The following NTAQ1 variants were observed in gnomAD, a reference collection of about 807,000 sequenced individuals.
NTAQ1 encodes the protein protein N-terminal glutamine amidohydrolase.
NTAQ1 carries 21 observed loss-of-function variants against 28.2 expected under a neutral mutation model. The ratio of observed to expected loss-of-function variants is 0.74; its 90% CI spans 0.53 to 1.07. NTAQ1 has a LOEUF of 1.07. Ranked by LOEUF, NTAQ1 falls within the 50% of genes least tolerant of loss-of-function variation. The pLI, the probability that NTAQ1 is intolerant of heterozygous loss-of-function variation, is 0.00. For missense variants in NTAQ1, 264 were observed against 256.6 expected (o/e 1.03, Z -0.20); for synonymous variants, 105 against 90.0 (o/e 1.17, Z -0.94).
chr8:123,454,614 G>C (rs1586965641), intron 6 of NTAQ1, among the ~76,000 whole-genome samples: 1 of 152,132 alleles, frequency 6.6e-6, no homozygotes, highest in African/African-American at 2.4e-5. Flanking sequence ...AGGTGTAGCA[G>C]TCGGAGATGC....
chr8:123,416,756 C>T, upstream of NTAQ1: 1 of 1,267,458 alleles, frequency 7.9e-7, no homozygotes, highest in Non-Finnish European at 1.0e-6. Context: ...CACCCCACGC[C>T]GGGAACCCAC....
chr8:123,467,176 A>G (rs1815978979), exon 7 of NTAQ1: 1 of 151,136 alleles, frequency 6.6e-6, no homozygotes. Flanking sequence ...AGCTGGAACT[A>G]CAGGCATGCA....
chr8:123,466,267 G>A (rs911114116), intron 6 of NTAQ1, among the ~76,000 whole-genome samples: 4 of 152,168 alleles, frequency 2.6e-5, no homozygotes, highest in South Asian at 2.1e-4. Context: ...TTACAACTGT[G>A]CCACTCAGAA....
At chr8:123,450,855 G>A (rs1446866247), downstream of NTAQ1, among the ~76,000 whole-genome samples, 1 of 152,056 alleles carries the variant, frequency 6.6e-6, no homozygotes, top group Non-Finnish European at 1.5e-5. Flanking sequence ...TCTGCTTCAT[G>A]TCTCCTTCAT....
chr8:123,448,969 A>T (rs752550112), downstream of NTAQ1, among the ~76,000 whole-genome samples: 21 of 152,214 alleles, frequency 1.4e-4, no homozygotes, highest in Non-Finnish European at 1.9e-4. Context: ...CTAGATGATT[A>T]TACATTAGAG....
the NTAQ1 span, among the ~76,000 whole-genome samples, chr8:123,475,456 A>G: frequency 6.6e-6 from 1 of 152,144 alleles, no homozygotes; most frequent in African/African-American, 2.4e-5. Context: ...AGAGTTTGGA[A>G]ATATATGCAG....
chr8:123,472,527 C>G (rs546224781), downstream of NTAQ1, among the ~76,000 whole-genome samples: 1 of 152,242 alleles, frequency 6.6e-6, no homozygotes, highest in South Asian at 2.1e-4. Flanking sequence ...TCTGGTGGTT[C>G]CTGGCAATCC....
At chr8:123,440,339 A>T (rs906389048) in intron 5 of NTAQ1, among the ~76,000 whole-genome samples, 1 of 151,296 alleles carries the variant, frequency 6.6e-6, no homozygotes, top group Non-Finnish European at 1.5e-5. Flanking sequence ...TATTTTTAGT[A>T]GAGACGGGGT....
At chr8:123,447,351 T>TA (rs1554657230) in intron 6 of NTAQ1, among the ~76,000 whole-genome samples, 29 of 152,098 alleles carry the variant, frequency 1.9e-4, no homozygotes, top group South Asian at 4.2e-4. Flanking sequence ...TGTTCTTTTT[T>TA]AAAAAATACA....
chr8:123,438,965 G>A (rs936059605), intron 5 of NTAQ1, among the ~76,000 whole-genome samples: 3 of 152,178 alleles, frequency 2.0e-5, no homozygotes, highest in Non-Finnish European at 4.4e-5. Flanking sequence ...TGGCCACAGT[G>A]TGCCTTTAGC....
chr8:123,450,069 G>A (rs1174515703), downstream of NTAQ1, among the ~76,000 whole-genome samples: 1 of 147,512 alleles, frequency 6.8e-6, no homozygotes, highest in African/African-American at 2.5e-5. Context: ...TAAAGATACA[G>A]GCCTCTATGA....
At chr8:123,459,419 TCAG>T (rs1327670497) in intron 6 of NTAQ1, among the ~76,000 whole-genome samples, 1 of 152,092 alleles carries the variant, frequency 6.6e-6, no homozygotes, top group Non-Finnish European at 1.5e-5. Context: ...TTCGGCTTCA[TCAG>T]GTAGGCATGA....
In NTAQ1 at chr8:123,435,749, C is replaced by T. The variant is rs186213672; in HGVS notation, c.235-704C>T. ...GGGCGTGGTGGCGGGTGTCTGTAGT[C>T]CCAGCTACTCAGGAGGCTGAGGCAG... On this transcript the variant is annotated intron_variant, in intron 3 of 5. Transcript: ENST00000287387. Among the ~76,000 whole-genome samples, 88 of 152,092 alleles carry T rather than the reference C, an allele frequency of 5.8e-4. 1 individual carries two copies. The highest frequency in any genetic ancestry group is 3.7e-3 in the East Asian group (19 of 5,170).
chr8:123,433,009 A>G (rs1586942901), intron 3 of NTAQ1, among the ~76,000 whole-genome samples: 1 of 152,168 alleles, frequency 6.6e-6, no homozygotes, highest in East Asian at 1.9e-4. Context: ...CAAAAAGTTA[A>G]AAGAAAACAT....
rs931702886 is a variant in NTAQ1 at position 123,417,106 on chromosome 8, G to C, written c.83+174G>C. On this transcript the variant is annotated intron_variant, in intron 1 of 5. Transcript: ENST00000287387. ...TGGCAGCTCTCGTCTCTTGAGTAGA[G>C]CGTGGGCTATTGGATGGGGTTGGGA... 8.5e-5 allele frequency among the ~76,000 whole-genome samples: 13 copies of C among 152,360 alleles called. No homozygotes were observed. The East Asian group carries it at 2.5e-3, about 29-fold the overall frequency.
At chr8:123,433,153 C>G (rs925176417) in intron 3 of NTAQ1, among the ~76,000 whole-genome samples, 10 of 152,208 alleles carry the variant, frequency 6.6e-5, no homozygotes, top group African/African-American at 2.2e-4. Flanking sequence ...GAGAGTGAGG[C>G]CGCTGCTCAA....
At chr8:123,450,339 G>A (rs932885571), downstream of NTAQ1, among the ~76,000 whole-genome samples, 5 of 151,598 alleles carry the variant, frequency 3.3e-5, no homozygotes, top group Admixed American at 2.0e-4. Context: ...CAATTTCAGT[G>A]GAGTGATGGG....
chr8:123,432,126 G>C (rs1586941597), intron 3 of NTAQ1, among the ~76,000 whole-genome samples: 1 of 152,150 alleles, frequency 6.6e-6, no homozygotes, highest in Non-Finnish European at 1.5e-5. Flanking sequence ...TGAGTGAGCA[G>C]AGACACCAGT....
In NTAQ1 at chr8:123,459,903, C is replaced by T. The variant is rs186270209; in HGVS notation, c.373-7176C>T. 7.7e-3 allele frequency among the ~76,000 whole-genome samples: 1,159 copies of T among 149,854 alleles called. 64 individuals are homozygous for T. The highest frequency in any genetic ancestry group is 0.071 in the Admixed American group (1,052 of 14,890). On this transcript the variant is annotated intron_variant, in intron 6 of 6. Coordinates refer to the NTAQ1 transcript ENST00000650311. ...CGCAACCTCCGCCTCCTGGTTCAAGCGATTCTCCTGCCTCAGCCTCCCAAG... is the reference window on the plus strand; with the variant it reads ...CGCAACCTCCGCCTCCTGGTTCAAGTGATTCTCCTGCCTCAGCCTCCCAAG...
Sources: gnomAD v4.1 joint callset for allele counts (sites outside exome capture counted in the v4.1 genomes callset) on GRCh38, gnomAD v4.1.1 for gene constraint, MANE v1.5 for transcripts, NCBI Gene and HGNC (gene_info 2026-07-23, HGNC 2026-07-21) for gene names.